Variants in GRM1 observed in about 807,000 individuals in gnomAD.
GRM1 encodes the protein glutamate metabotropic receptor 1.
Under a neutral mutation model 90.9 loss-of-function variants are expected in GRM1, and 33 were observed. The ratio of observed to expected loss-of-function variants is 0.36; its 90% CI spans 0.28 to 0.49. The LOEUF (loss-of-function observed/expected upper bound fraction) is 0.49. Ranked by LOEUF, GRM1 falls within the 20% of genes least tolerant of loss-of-function variation. The pLI, the probability that GRM1 is intolerant of heterozygous loss-of-function variation, is 0.99. For synonymous variants in GRM1, 700 were observed against 613.2 expected, an observed-to-expected ratio of 1.14 and a Z score of -2.09; for missense variants, 1,190 against 1,534.3, an observed-to-expected ratio of 0.78 and a Z score of 3.75.
chr6:146,099,000 AC>A (rs1776961975), intron 1 of GRM1, among the ~76,000 whole-genome samples: 3 of 152,132 alleles, frequency 2.0e-5, no homozygotes, highest in African/African-American at 7.2e-5. Flanking sequence ...CACCACCTAT[AC>A]TTTTTTCACA....
chr6:146,195,820 G>A (rs745765996), intron 2 of GRM1, among the ~76,000 whole-genome samples: 2 of 152,184 alleles, frequency 1.3e-5, no homozygotes, highest in African/African-American at 2.4e-5. Context: ...AGTGGTAAAT[G>A]AAAGGATGGA....
intron 1 of GRM1, among the ~76,000 whole-genome samples, chr6:146,145,709 C>T (rs1777068661): frequency 6.6e-6 from 1 of 152,150 alleles, no homozygotes; most frequent in Admixed American, 6.5e-5. Context: ...GCAGAGATAT[C>T]CCACTAGAAT....
chr6:146,140,801 T>G (rs1776850515), intron 1 of GRM1, among the ~76,000 whole-genome samples: 1 of 152,224 alleles, frequency 6.6e-6, no homozygotes, highest in African/African-American at 2.4e-5. Context: ...GACTTTTTGT[T>G]GTTTCTATTT....
At chr6:146,120,984 A>C (rs1013365964) in intron 1 of GRM1, among the ~76,000 whole-genome samples, 3 of 151,996 alleles carry the variant, frequency 2.0e-5, no homozygotes, top group Non-Finnish European at 4.4e-5. Context: ...CTCTTTTTCT[A>C]TTGATTGGAA....
intron 4 of GRM1, among the ~76,000 whole-genome samples, chr6:146,352,702 C>A (rs1208139868): frequency 6.6e-6 from 1 of 152,130 alleles, no homozygotes; most frequent in Non-Finnish European, 1.5e-5. Context: ...TTTTTCAACA[C>A]CCAATACCCA....
In GRM1 at chr6:146,434,557, G is replaced by C; in HGVS notation, c.3346G>C (p.Glu1116Gln). The stretch of plus-strand genomic sequence containing the variant: ...GGAGTACGTGTATGAGCACGAGCGG[G>C]AAGGGAACACGGAAGAAGACGAACT... ...LQEYVYEHEREGNTEEDELEE... is the reference protein window; with the variant it reads ...LQEYVYEHERQGNTEEDELEE... The change falls in exon 8 of 8, where the codon GAA (glutamate) becomes CAA (glutamine). Residue 1116 changes from glutamate (E) to glutamine (Q), a missense_variant. Physicochemically the swap from Glu to Gln is conservative, Grantham distance 29 (BLOSUM62 2). Around this residue, in one of 10 missense-constraint regions of GRM1, gnomAD observed 400 missense variants for 360.8 expected, o/e 1.11. Transcript: ENST00000282753. 1 of 1,614,166 alleles carries C rather than the reference G, an allele frequency of 6.2e-7. No individual in the cohort carries two copies. The highest frequency in any genetic ancestry group is 8.5e-7 in the Non-Finnish European group (1 of 1,180,032).
intron 2 of GRM1, among the ~76,000 whole-genome samples, chr6:146,161,568 G>A (rs1165559028): frequency 1.3e-5 from 2 of 152,054 alleles, no homozygotes; most frequent in African/African-American, 2.4e-5. Context: ...ACCTCTACTG[G>A]ATTCCACATA....
In GRM1 at chr6:146,357,703, C is replaced by G. The variant is rs376313056; in HGVS notation, c.1602+9C>G. 2.2e-4 allele frequency: 358 copies of G among 1,610,238 alleles called. No homozygotes were observed. Among genetic ancestry groups the G allele is most frequent in the Middle Eastern group, 1.6e-4 (1 of 6,082 alleles). ...TAAAGGGCCAGATTAAGGTAAGCCA[C>G]AAATGCATTCTTGCATGGTATCTGT... On this transcript the variant is annotated intron_variant, in intron 5 of 7. Coordinates refer to ENST00000282753, the MANE Select transcript of GRM1 (RefSeq NM_001278064.2).
rs1778564595 is a variant in GRM1 at position 146,435,372 on chromosome 6, CAG to C, written c.*578_*579del. On this transcript the variant is annotated 3_prime_UTR_variant, in exon 8 of 8. Coordinates refer to ENST00000282753, the MANE Select transcript of GRM1 (RefSeq NM_001278064.2). ...GAAGCCCTTCTCCCCGCTGGGCTGACAGACTCCTCATCTTCAGGAGACTCAGG... is the reference window on the plus strand; with the variant it reads ...GAAGCCCTTCTCCCCGCTGGGCTGACACTCCTCATCTTCAGGAGACTCAGG... 5.3e-6 allele frequency: 1 copy of C among 187,512 alleles called. No homozygotes were observed. Among genetic ancestry groups the C allele is most frequent in the South Asian group, 1.1e-4 (1 of 8,826 alleles). The allele number at this position is 187,512 out of a possible 1,614,324, so 11.6% of individuals were successfully genotyped here.
At chr6:146,413,068 A>C (rs551794318) in intron 7 of GRM1, among the ~76,000 whole-genome samples, 1 of 152,248 alleles carries the variant, frequency 6.6e-6, no homozygotes, top group African/African-American at 2.4e-5. Context: ...TTCTCAGGAA[A>C]AGTTCATGGG....
chr6:146,191,743 C>T (rs983635136), intron 2 of GRM1, among the ~76,000 whole-genome samples: 4 of 151,966 alleles, frequency 2.6e-5, no homozygotes, highest in African/African-American at 9.7e-5. Context: ...TCTTCATTCC[C>T]GTATCCATCT....
rs1000954079 is a variant in GRM1, at chr6:146,322,184, G to A, written c.1186+17338G>A. ...TGCTGCAGGTCTGCTGGAGTTTGCT[G>A]CAAGTCCACTCCAGACCCTGTTTGC... On this transcript the variant is annotated intron_variant, in intron 3 of 7. Transcript: ENST00000282753. Among the ~76,000 whole-genome samples, 4 of 152,186 alleles carry A rather than the reference G, an allele frequency of 2.6e-5. No individual in the cohort carries two copies. The South Asian group carries it at 8.3e-4, about 31-fold the overall frequency.
chr6:146,224,610 A>C (rs763118055), intron 2 of GRM1, among the ~76,000 whole-genome samples: 15 of 152,292 alleles, frequency 9.8e-5, no homozygotes, highest in Middle Eastern at 3.4e-3. Context: ...TTCTTATCAC[A>C]AGAGTCTGTG....
Position 146,132,260 on chromosome 6 carries a change from C to T in GRM1, c.701-27088C>T, listed in dbSNP as rs779781935. 2.6e-5 allele frequency among the ~76,000 whole-genome samples: 4 copies of T among 151,762 alleles called. 1 individual carries two copies. Among genetic ancestry groups the T allele is most frequent in the South Asian group, 4.2e-4 (2 of 4,814 alleles). On this transcript the variant is annotated intron_variant, in intron 1 of 7. Transcript: ENST00000282753. ...TATGATTTCTAGGTTGAGAATGGAT[C>T]GGAGAGGAAAAACAGTGGATGTGGT...
chr6:146,392,428 G>C (rs143079651), intron 6 of GRM1, among the ~76,000 whole-genome samples: 5 of 152,272 alleles, frequency 3.3e-5, no homozygotes, highest in Admixed American at 2.6e-4. Context: ...TGTTACATGA[G>C]TGTCTTCTAC....
intron 3 of GRM1, among the ~76,000 whole-genome samples, chr6:146,331,842 T>C (rs1387945492): frequency 1.3e-5 from 2 of 152,174 alleles, no homozygotes; most frequent in African/African-American, 4.8e-5. Flanking sequence ...CTAAAAAGTC[T>C]AGTCTAGCCA....
intron 2 of GRM1, among the ~76,000 whole-genome samples, chr6:146,211,552 G>A (rs1197278439): frequency 6.6e-6 from 1 of 151,922 alleles, no homozygotes; most frequent in Non-Finnish European, 1.5e-5. Context: ...ATCCATTAGG[G>A]GTTCAGTTTA....
chr6:146,434,414 C>T lies in GRM1; in HGVS notation c.3203C>T (p.Pro1068Leu). 1.2e-6 allele frequency: 2 copies of T among 1,613,340 alleles called. No homozygotes were observed. Among genetic ancestry groups the T allele is most frequent in the Non-Finnish European group, 1.7e-6 (2 of 1,179,658 alleles). The change falls in exon 8 of 8, where the codon CCC (proline) becomes CTC (leucine). Residue 1068 changes from proline (P) to leucine (L), a missense_variant. Transcript: ENST00000282753. ...AACGGGCTGCGGTCCCTGTACCCGC[C>T]CCCGCCACCTCCGCAGCACCTGCAG... Reference protein sequence around the residue: ...PGNGLRSLYPPPPPPQHLQML... With the variant: ...PGNGLRSLYPLPPPPQHLQML...
chr6:146,099,162 G>C (rs1286931317), intron 1 of GRM1, among the ~76,000 whole-genome samples: 5 of 152,114 alleles, frequency 3.3e-5, no homozygotes, highest in African/African-American at 1.2e-4. Context: ...AAGGTGGGTG[G>C]ATCACTTTGA....
Sources: gnomAD v4.1 joint callset for allele counts (sites outside exome capture counted in the v4.1 genomes callset) on GRCh38, gnomAD v4.1.1 for gene constraint, gnomAD v4.1.1 regional missense constraint, MANE v1.5 for transcripts, NCBI Gene and HGNC (gene_info 2026-07-23, HGNC 2026-07-21) for gene names.